SNX6: variants seen among roughly 807,000 people sequenced by gnomAD.
The protein encoded by SNX6 is sorting nexin 6.
SNX6 carries 34 observed loss-of-function variants against 63.0 expected under a neutral mutation model. That is an observed-to-expected ratio of 0.54 (90% CI 0.41 to 0.72). The LOEUF (loss-of-function observed/expected upper bound fraction) is 0.72, where lower values mean the gene tolerates loss of function less well. SNX6 is among the 30% of genes least tolerant of loss of function. The pLI is 0.00. For synonymous variants in SNX6, 170 were observed against 164.2 expected, an observed-to-expected ratio of 1.04 and a Z score of -0.27; for missense variants, 398 against 471.4, an observed-to-expected ratio of 0.84 and a Z score of 1.44.
chr14:34,603,441 A>T lies in SNX6; in HGVS notation c.423T>A (p.Val141=). Residue 141 remains valine, a synonymous_variant, in exon 6 of 14, where the codon GTT becomes GTA. Transcript: ENST00000362031. ...AEYLAIFKKT[V]AMHEVFLCRV... Reference sequence around the variant, plus strand: ...GACACAGGAACACTTCATGCATCGCAACTGTCTTCTTGAATATTGCCAAAT... The same window carrying T: ...GACACAGGAACACTTCATGCATCGCTACTGTCTTCTTGAATATTGCCAAAT... The T allele has an allele frequency of 6.2e-7, 1 of 1,602,748 alleles. No homozygotes were observed. The highest frequency in any genetic ancestry group is 1.1e-5 in the South Asian group (1 of 88,242).
chr14:34,588,236 T>C (rs1882253925), intron 8 of SNX6, among the ~76,000 whole-genome samples: 2 of 152,208 alleles, frequency 1.3e-5, no homozygotes, highest in South Asian at 2.1e-4. Flanking sequence ...ATCGATCTCT[T>C]GACCTTGTGA....
intron 5 of SNX6, 26 bp downstream of exon 5, chr14:34,605,570 A>C (rs1254168457): frequency 5.3e-6 from 8 of 1,518,376 alleles, no homozygotes; most frequent in South Asian, 1.3e-5. Context: ...AAAAAAAAAA[A>C]ACAAAAAAAT....
chr14:34,581,887 T>G (rs4612970), intron 9 of SNX6, among the ~76,000 whole-genome samples: 133,212 of 152,056 alleles, frequency 0.88, 58,439 homozygotes, highest in Non-Finnish European at 0.88. Flanking sequence ...GGAGTGCAAC[T>G]GCGCAATCTC....
At chr14:34,563,554 G>A (rs1245115785) in intron 13 of SNX6, among the ~76,000 whole-genome samples, 24 of 138,588 alleles carry the variant, frequency 1.7e-4, no homozygotes, top group African/African-American at 6.4e-4. Context: ...GTGAGACTGC[G>A]TCTCAAAAAA....
At chr14:34,592,247 G>A (rs755656878) in intron 8 of SNX6, among the ~76,000 whole-genome samples, 22 of 152,022 alleles carry the variant, frequency 1.4e-4, no homozygotes, top group Non-Finnish European at 2.5e-4. Context: ...TTAGCCAGGC[G>A]CGGTGGCAGG....
At chr14:34,623,329 G>T (rs546826476) in intron 2 of SNX6, among the ~76,000 whole-genome samples, 1 of 152,160 alleles carries the variant, frequency 6.6e-6, no homozygotes, top group South Asian at 2.1e-4. Context: ...AGACGTACTT[G>T]GGCAATGGGG....
At chr14:34,583,250 A>C (rs2138297098) in intron 9 of SNX6, among the ~76,000 whole-genome samples, 1 of 152,296 alleles carries the variant, frequency 6.6e-6, no homozygotes, top group East Asian at 1.9e-4. Flanking sequence ...TGGAGCTTGC[A>C]GTGAGCCAAG....
intron 4 of SNX6, among the ~76,000 whole-genome samples, chr14:34,606,922 C>A (rs1883043256): frequency 6.6e-6 from 1 of 151,902 alleles, no homozygotes; most frequent in South Asian, 2.1e-4. Context: ...ATTACAGGCA[C>A]CAGCCACAAC....
intron 10 of SNX6, among the ~76,000 whole-genome samples, chr14:34,576,481 C>A (rs1046951941): frequency 6.7e-6 from 1 of 149,966 alleles, no homozygotes; most frequent in South Asian, 2.1e-4. Context: ...CAGAGTCTTA[C>A]TCTGTCACCC....
intron 2 of SNX6, among the ~76,000 whole-genome samples, chr14:34,614,244 T>C (rs1355651232): frequency 4.0e-5 from 6 of 151,756 alleles, no homozygotes; most frequent in Non-Finnish European, 7.4e-5. Flanking sequence ...CTAGGCAACA[T>C]GGCAAAACCC....
At chr14:34,564,354 C>G (rs1227558406) in intron 13 of SNX6, among the ~76,000 whole-genome samples, 1 of 152,112 alleles carries the variant, frequency 6.6e-6, no homozygotes, top group Non-Finnish European at 1.5e-5. Context: ...TAACAGCATC[C>G]TTGGCCCACC....
At chr14:34,606,174 C>CAA (rs946424153) in intron 4 of SNX6, among the ~76,000 whole-genome samples, 1 of 129,338 alleles carries the variant, frequency 7.7e-6, no homozygotes. Context: ...ACCCTGTCTC[C>CAA]AAAAAAAAAA....
intron 13 of SNX6, among the ~76,000 whole-genome samples, chr14:34,565,705 T>G (rs1271630974): frequency 6.8e-6 from 1 of 148,142 alleles, no homozygotes; most frequent in Non-Finnish European, 1.5e-5. Context: ...TCTTTTTTAT[T>G]TTGAGACGGA....
intron 2 of SNX6, among the ~76,000 whole-genome samples, chr14:34,616,128 G>C (rs1290749372): frequency 6.6e-6 from 1 of 151,736 alleles, no homozygotes; most frequent in Non-Finnish European, 1.5e-5. Flanking sequence ...GCTAATTTTT[G>C]TATTTTTAGT....
At chr14:34,614,370 G>A (rs1427643697) in intron 2 of SNX6, among the ~76,000 whole-genome samples, 3 of 151,812 alleles carry the variant, frequency 2.0e-5, no homozygotes, top group South Asian at 2.1e-4. Flanking sequence ...TCAGGAGGTC[G>A]AGGCTGCAGT....
chr14:34,572,947 G>T (rs1041497588), intron 11 of SNX6, among the ~76,000 whole-genome samples: 44 of 152,008 alleles, frequency 2.9e-4, no homozygotes, highest in Admixed American at 3.3e-4. Context: ...CTCCCAAAGT[G>T]CTGGGATTAC....
chr14:34,583,006 C>T (rs529345162), intron 9 of SNX6, among the ~76,000 whole-genome samples: 1 of 151,802 alleles, frequency 6.6e-6, no homozygotes, highest in Non-Finnish European at 1.5e-5. Flanking sequence ...TTAAACTACC[C>T]TTTAATAGTC....
chr14:34,572,680 G>T (rs955782507), intron 11 of SNX6, among the ~76,000 whole-genome samples: 54 of 148,994 alleles, frequency 3.6e-4, no homozygotes, highest in African/African-American at 1.2e-3. Flanking sequence ...TGTTTTTTTT[G>T]TTTTTTTTTG....
Position 34,597,587 on chromosome 14 carries a change from A to G in SNX6, c.575T>C (p.Val192Ala). Residue 192 changes from valine to alanine, a missense_variant, in exon 7 of 14, where the codon GTT (valine) becomes GCT (alanine). Physicochemically the swap from Val to Ala is moderately conservative, Grantham distance 64. Transcript: ENST00000362031. The part of the protein sequence containing the change: ...EKLEDFFKNM[V>A]KSADGVIVSG... ...AACGATTACTCCATCTGCTGATTTA[A>G]CCATGTTTTTAAAGAAGTCTTCAAG... 1 of 1,608,642 alleles carries G rather than the reference A, an allele frequency of 6.2e-7. No individual in the cohort carries two copies. The highest frequency in any genetic ancestry group is 8.5e-7 in the Non-Finnish European group (1 of 1,176,462).
Sources: allele counts gnomAD v4.1 joint callset (sites outside exome capture counted in the v4.1 genomes callset), GRCh38; gene constraint gnomAD v4.1.1; transcripts MANE v1.5; gene names NCBI Gene and HGNC (gene_info 2026-07-23, HGNC 2026-07-21).